The following GLYATL1 variants were observed in gnomAD, a reference collection of about 807,000 sequenced individuals.
GLYATL1 encodes the protein glycine N-acyltransferase-like protein 1.
GLYATL1 carries 15 observed loss-of-function variants against 20.0 expected under a neutral mutation model. That is an observed-to-expected ratio of 0.75 (90% CI 0.50 to 1.15). GLYATL1 has a LOEUF of 1.15. GLYATL1 is among the 50% of genes most tolerant of loss of function. The pLI is 0.00. For synonymous variants in GLYATL1, 151 were observed against 131.5 expected (o/e 1.15, Z -1.01); for missense variants, 380 against 368.5 (o/e 1.03, Z -0.26).
chr11:58,925,258 T>A (rs1442688488), upstream of GLYATL1, among the ~76,000 whole-genome samples: 1 of 152,246 alleles, frequency 6.6e-6, no homozygotes, highest in Non-Finnish European at 1.5e-5. Context: ...AAAAACTGGA[T>A]ACTTTTTTAA....
chr11:58,955,093 G>A (rs1485878160), intron 5 of GLYATL1, 83 bp from the exon 6 acceptor site: 4 of 1,355,512 alleles, frequency 3.0e-6, no homozygotes, highest in Admixed American at 1.9e-5. Context: ...GAACTACTAA[G>A]CACTGAGGTA....
downstream of GLYATL1, among the ~76,000 whole-genome samples, chr11:58,910,723 A>G (rs927944386): frequency 6.6e-5 from 10 of 152,220 alleles, no homozygotes; most frequent in African/African-American, 2.4e-4. Context: ...AAAAACGATG[A>G]TAGAAATGAG....
downstream of GLYATL1, among the ~76,000 whole-genome samples, chr11:58,910,598 A>G (rs1855016914): frequency 6.6e-6 from 1 of 152,186 alleles, no homozygotes; most frequent in African/African-American, 2.4e-5. Context: ...CCACTTATAG[A>G]ACAGAACTAG....
At chr11:58,923,199 G>C (rs1385798354), upstream of GLYATL1, among the ~76,000 whole-genome samples, 1 of 152,298 alleles carries the variant, frequency 6.6e-6, no homozygotes, top group South Asian at 2.1e-4. Flanking sequence ...GGTCTCTGAG[G>C]CAGTGATAGA....
At chr11:58,909,613 A>G (rs1341851304), downstream of GLYATL1, among the ~76,000 whole-genome samples, 5 of 152,216 alleles carry the variant, frequency 3.3e-5, no homozygotes, top group African/African-American at 1.2e-4. Context: ...AATGGCCTGA[A>G]TAAAGTCATG....
intron 1 of GLYATL1, among the ~76,000 whole-genome samples, chr11:58,915,892 G>A (rs79420826): frequency 0.011 from 1,685 of 149,300 alleles, 38 homozygotes; most frequent in African/African-American, 0.04. Flanking sequence ...AATTGTAACC[G>A]TCCCTCTTTC....
chr11:58,928,687 A>C (rs532135367), intron 1 of GLYATL1: 2 of 152,350 alleles, frequency 1.3e-5, no homozygotes, highest in South Asian at 2.1e-4. Context: ...GAGGTTTGTC[A>C]CTGCAGCTTG....
intron 1 of GLYATL1, among the ~76,000 whole-genome samples, chr11:58,906,454 C>G (rs1325476889): frequency 6.6e-6 from 1 of 152,050 alleles, no homozygotes; most frequent in African/African-American, 2.4e-5. Context: ...AACAGGAGAG[C>G]TCCTGTTCAA....
intron 1 of GLYATL1, among the ~76,000 whole-genome samples, chr11:58,920,679 C>T (rs1565119192): frequency 1.3e-5 from 2 of 152,206 alleles, no homozygotes; most frequent in African/African-American, 2.4e-5. Flanking sequence ...TGTTCACAGT[C>T]TCTAAAGCTA....
At chr11:58,947,438 A>G in intron 3 of GLYATL1, 1 of 508,214 alleles carries the variant, frequency 2.0e-6, no homozygotes, top group Middle Eastern at 5.1e-4. Flanking sequence ...ATGGATATGC[A>G]TTCCAAGGCT....
chr11:58,932,128 A>AAAAAAAAAAAAAAAAC (rs1855629442), intron 1 of GLYATL1, among the ~76,000 whole-genome samples: 1 of 151,230 alleles, frequency 6.6e-6, no homozygotes, highest in African/African-American at 2.4e-5. Context: ...AAAAAAAAAA[A>AAAAAAAAAAAAAAAAC]AAAAAGACAT....
Position 58,955,236 on chromosome 11 carries a change from T to C in GLYATL1, c.374T>C (p.Val125Ala), listed in dbSNP as rs377373159. Residue 125 changes from valine to alanine, a missense_variant, in exon 6 of 7, where the codon GTA becomes GCA. Physicochemically the swap from Val to Ala is moderately conservative, Grantham distance 64. Coordinates refer to ENST00000532726, the MANE Select transcript of GLYATL1 (RefSeq NM_001389712.2). Reference protein sequence around the residue: ...RVATFSKSVKVEHSRALLLVT... With the variant: ...RVATFSKSVKAEHSRALLLVT... ...GCTACATTTTCAAAGTCAGTGAAAG[T>C]AGAGCATTCGAGAGCACTCCTCTTG... 19 of 1,613,998 alleles carry C rather than the reference T, an allele frequency of 1.2e-5. No homozygotes were observed. The Admixed American group carries it at 2.2e-4, about 18-fold the overall frequency.
At chr11:58,936,289 C>T (rs1259424781), upstream of GLYATL1, among the ~76,000 whole-genome samples, 1 of 152,208 alleles carries the variant, frequency 6.6e-6, no homozygotes, top group African/African-American at 2.4e-5. Flanking sequence ...TCACAATGTG[C>T]AAAATTCATC....
intron 1 of GLYATL1, among the ~76,000 whole-genome samples, chr11:58,915,362 C>A (rs890804891): frequency 5.3e-5 from 8 of 152,176 alleles, no homozygotes; most frequent in African/African-American, 1.9e-4. Flanking sequence ...TTCAACAGAG[C>A]CGGGTCCTCC....
intron 6 of GLYATL1, 41 bp from the exon 7 acceptor site, chr11:58,955,569 T>G (rs776050937): frequency 1.9e-6 from 3 of 1,591,222 alleles, no homozygotes; most frequent in Non-Finnish European, 1.7e-6. Context: ...AATTACAGGA[T>G]TGGGGATGAA....
chr11:58,932,564 GC>G (rs1271225196), intron 1 of GLYATL1, among the ~76,000 whole-genome samples: 2 of 152,138 alleles, frequency 1.3e-5, no homozygotes, highest in African/African-American at 4.8e-5. Flanking sequence ...AGAAAAACTT[GC>G]CACTGCTTTT....
In GLYATL1 at chr11:58,943,527, GT is replaced by G. The variant is rs756545153; in HGVS notation, c.-166-11del. On this transcript the variant is annotated splice_polypyrimidine_tract_variant and intron_variant, in intron 1 of 6. Coordinates refer to ENST00000532726, the MANE Select transcript of GLYATL1 (RefSeq NM_001389712.2). Reference sequence around the variant, plus strand: ...CTCCTTTAAGTTTAATTCAGCTGAAGTTTTTCTTTTATCAGATGGTGTCACA... The same window carrying G: ...CTCCTTTAAGTTTAATTCAGCTGAAGTTTTCTTTTATCAGATGGTGTCACA... 13 of 1,598,702 alleles carry G rather than the reference GT, an allele frequency of 8.1e-6. No homozygotes were observed. Among genetic ancestry groups the G allele is most frequent in the Non-Finnish European group, 3.4e-6 (4 of 1,172,464 alleles).
chr11:58,949,924 A>G (rs775045388), intron 4 of GLYATL1, among the ~76,000 whole-genome samples: 2 of 151,126 alleles, frequency 1.3e-5, no homozygotes, highest in Non-Finnish European at 2.9e-5. Context: ...ATCCAACATG[A>G]TTTTAAAAAG....
chr11:58,929,723 T>C (rs956917003), intron 1 of GLYATL1, among the ~76,000 whole-genome samples: 4 of 152,242 alleles, frequency 2.6e-5, no homozygotes, highest in African/African-American at 7.2e-5. Flanking sequence ...CTCACATGCA[T>C]GTGCAGATCA....
Sources: gnomAD v4.1 joint callset for allele counts (sites outside exome capture counted in the v4.1 genomes callset) on GRCh38, gnomAD v4.1.1 for gene constraint, MANE v1.5 for transcripts, NCBI Gene and HGNC (gene_info 2026-07-23, HGNC 2026-07-21) for gene names.